ZNF277: variants seen among roughly 807,000 people sequenced by gnomAD.
ZNF277 encodes nuclear receptor-interacting factor 4.
In ZNF277, 55 loss-of-function variants were observed where a neutral mutation model predicts 60.7. That is an observed-to-expected ratio of 0.91 (90% CI 0.73 to 1.13). The LOEUF is 1.13. ZNF277 is among the 50% of genes most tolerant of loss of function. ZNF277 has a pLI of 0.00. For missense variants in ZNF277, 510 were observed against 523.0 expected, an observed-to-expected ratio of 0.98 and a Z score of 0.24; for synonymous variants, 178 against 179.3, an observed-to-expected ratio of 0.99 and a Z score of 0.06.
At chr7:112,287,145 T>C (rs1584379187) in intron 2 of ZNF277, 71 bp downstream of exon 2, 8 of 1,531,086 alleles carry the variant, frequency 5.2e-6, no homozygotes, top group South Asian at 1.2e-5. Context: ...GTAATCCTAG[T>C]ACTTTGGGAG....
intron 1 of ZNF277, among the ~76,000 whole-genome samples, chr7:112,207,128 G>C (rs1821527854): frequency 6.6e-6 from 1 of 152,228 alleles, no homozygotes; most frequent in African/African-American, 2.4e-5. Flanking sequence ...TGCTGAGTGG[G>C]TTTGGTTCAG....
intron 1 of ZNF277, 106 bp downstream of exon 1, chr7:112,206,913 C>T (rs1431993646): frequency 1.8e-6 from 2 of 1,128,356 alleles, no homozygotes; most frequent in Non-Finnish European, 2.5e-6. Flanking sequence ...GCTCTGGGGC[C>T]ACCTGGGTTC....
intron 4 of ZNF277, among the ~76,000 whole-genome samples, chr7:112,298,482 A>G (rs1792402944): frequency 1.3e-5 from 2 of 152,188 alleles, no homozygotes; most frequent in African/African-American, 4.8e-5. Context: ...GGAGTATGAG[A>G]TAAATTTGAA....
At chr7:112,257,613 T>G (rs961693998) in intron 1 of ZNF277, among the ~76,000 whole-genome samples, 1 of 152,118 alleles carries the variant, frequency 6.6e-6, no homozygotes, top group African/African-American at 2.4e-5. Context: ...TAGACTTTAT[T>G]TAATCGTGAC....
chr7:112,321,071 G>A (rs901758332), intron 5 of ZNF277, among the ~76,000 whole-genome samples: 1 of 151,132 alleles, frequency 6.6e-6, no homozygotes, highest in Non-Finnish European at 1.5e-5. Context: ...ACAGGCGCCC[G>A]CAACCACGCC....
At chr7:112,336,916 G>A (rs950406390) in intron 8 of ZNF277, among the ~76,000 whole-genome samples, 2 of 152,164 alleles carry the variant, frequency 1.3e-5, no homozygotes, top group African/African-American at 2.4e-5. Flanking sequence ...TCATGACCTG[G>A]GCCGGGACTG....
At chr7:112,286,014 A>G (rs530659203) in intron 1 of ZNF277, among the ~76,000 whole-genome samples, 2 of 152,152 alleles carry the variant, frequency 1.3e-5, no homozygotes, top group African/African-American at 4.8e-5. Flanking sequence ...ACTACTAAAT[A>G]GCCTGTATAA....
At chr7:112,211,825 C>G (rs1415583401) in intron 1 of ZNF277, among the ~76,000 whole-genome samples, 1 of 152,188 alleles carries the variant, frequency 6.6e-6, no homozygotes, top group African/African-American at 2.4e-5. Flanking sequence ...CTTTGTCTAC[C>G]CCAGTGGACA....
At chr7:112,322,435 T>G (rs1793005349) in intron 5 of ZNF277, among the ~76,000 whole-genome samples, 1 of 152,100 alleles carries the variant, frequency 6.6e-6, no homozygotes, top group Non-Finnish European at 1.5e-5. Context: ...CCAGCTTAAG[T>G]CTTTTGAGCC....
chr7:112,216,992 G>A (rs2116955028), intron 1 of ZNF277, among the ~76,000 whole-genome samples: 1 of 152,308 alleles, frequency 6.6e-6, no homozygotes, highest in Admixed American at 6.5e-5. Context: ...AACTGAAAGA[G>A]CTACTGATAG....
chr7:112,248,486 A>C (rs1335842183), intron 1 of ZNF277, among the ~76,000 whole-genome samples: 2 of 152,086 alleles, frequency 1.3e-5, no homozygotes, highest in East Asian at 3.9e-4. Context: ...CAGAGCTTTA[A>C]TTTTTCCAAT....
At chr7:112,284,965 G>A (rs1792029968) in intron 1 of ZNF277, among the ~76,000 whole-genome samples, 1 of 152,178 alleles carries the variant, frequency 6.6e-6, no homozygotes, top group South Asian at 2.1e-4. Context: ...GAACATCCCT[G>A]TAGATAGTCA....
intron 4 of ZNF277, among the ~76,000 whole-genome samples, chr7:112,297,375 C>T (rs1202348539): frequency 6.6e-6 from 1 of 151,998 alleles, no homozygotes; most frequent in African/African-American, 2.4e-5. Context: ...TCTTGTAAGT[C>T]TTTCTTTTAT....
chr7:112,332,451 A>G (rs1793247191), intron 7 of ZNF277, among the ~76,000 whole-genome samples: 1 of 152,176 alleles, frequency 6.6e-6, no homozygotes. Context: ...CAATTGAGAC[A>G]AGACTAATAC....
chr7:112,212,308 A>G (rs954352465), intron 1 of ZNF277, among the ~76,000 whole-genome samples: 2 of 152,216 alleles, frequency 1.3e-5, no homozygotes, highest in African/African-American at 2.4e-5. Context: ...TTCTATTTCT[A>G]TAAACCATTA....
intron 4 of ZNF277, among the ~76,000 whole-genome samples, chr7:112,309,791 C>G (rs1358727296): frequency 1.3e-5 from 2 of 151,916 alleles, no homozygotes; most frequent in African/African-American, 2.4e-5. Flanking sequence ...TTCAAGAGTT[C>G]CCACTACTCT....
intron 6 of ZNF277, 115 bp downstream of exon 6, chr7:112,327,942 G>T: frequency 1.4e-6 from 1 of 717,104 alleles, no homozygotes; most frequent in Non-Finnish European, 2.2e-6. Flanking sequence ...TCCCATGTTG[G>T]AGGAGTTCAC....
At chr7:112,210,994 G>T (rs1821731150) in intron 1 of ZNF277, among the ~76,000 whole-genome samples, 1 of 152,184 alleles carries the variant, frequency 6.6e-6, no homozygotes, top group Non-Finnish European at 1.5e-5. Flanking sequence ...TTTCTTCTGA[G>T]TATTAATCTG....
At position 112,206,794 on chromosome 7, in the gene ZNF277, T is replaced by TGTAG. The variant is rs1275584217; in HGVS notation, c.81_84dup (p.Tyr29ArgfsTer6). 1 of 1,610,836 alleles carries TGTAG rather than the reference T, an allele frequency of 6.2e-7. No individual in the cohort carries two copies. Among genetic ancestry groups the TGTAG allele is most frequent in the South Asian group, 1.1e-5 (1 of 90,884 alleles). On this transcript the variant is annotated frameshift_variant, in exon 1 of 12. Transcript: ENST00000361822. LOFTEE classifies it high-confidence loss of function. Reference sequence around the variant, plus strand: ...ATGGGAGCTGCAGCACAGTCGGGGGTGTAGGTTATGGGGGTGAGTACGGTG... The same window carrying TGTAG: ...ATGGGAGCTGCAGCACAGTCGGGGGTGTAGGTAGGTTATGGGGGTGAGTACGGTG...
Sources: gnomAD v4.1 joint callset for allele counts (sites outside exome capture counted in the v4.1 genomes callset) on GRCh38, gnomAD v4.1.1 for gene constraint, MANE v1.5 for transcripts, NCBI Gene and HGNC (gene_info 2026-07-23, HGNC 2026-07-21) for gene names.